The following TRPC3 variants were observed in gnomAD, a reference collection of about 807,000 sequenced individuals.
The protein encoded by TRPC3 is short transient receptor potential channel 3.
TRPC3 carries 54 observed loss-of-function variants against 90.9 expected under a neutral mutation model. The ratio of observed to expected loss-of-function variants is 0.59; its 90% CI spans 0.48 to 0.75. The LOEUF is 0.75. Ranked by LOEUF, TRPC3 falls within the 30% of genes least tolerant of loss-of-function variation. The probability of loss-of-function intolerance (pLI) is 0.00; values close to 1 mark genes in which losing one functional copy is unlikely to be tolerated. For missense variants in TRPC3, 918 were observed against 1,194.5 expected, an observed-to-expected ratio of 0.77 and a Z score of 3.41; for synonymous variants, 424 against 450.9, an observed-to-expected ratio of 0.94 and a Z score of 0.75.
At chr4:121,894,258 G>T (rs1728433064) in intron 10 of TRPC3, among the ~76,000 whole-genome samples, 1 of 151,974 alleles carries the variant, frequency 6.6e-6, no homozygotes. Context: ...AAGAGACAAA[G>T]AAAGGCATTA....
intron 10 of TRPC3, among the ~76,000 whole-genome samples, chr4:121,899,306 C>A (rs886550419): frequency 6.6e-6 from 1 of 152,272 alleles, no homozygotes; most frequent in African/African-American, 2.4e-5. Context: ...TTAAGTTATA[C>A]ATTATTTGGC....
chr4:121,943,298 T>G (rs1294941090), intron 1 of TRPC3, among the ~76,000 whole-genome samples: 1 of 152,166 alleles, frequency 6.6e-6, no homozygotes. Context: ...ACATATAATA[T>G]AAATTAATAA....
chr4:121,880,908 G>T (rs1181182925), intron 11 of TRPC3, among the ~76,000 whole-genome samples: 1 of 149,702 alleles, frequency 6.7e-6, no homozygotes, highest in East Asian at 2.0e-4. Flanking sequence ...TATTTGAAAA[G>T]AATTCTAACT....
chr4:121,919,710 T>G (rs1260439654), intron 3 of TRPC3, among the ~76,000 whole-genome samples: 1 of 152,250 alleles, frequency 6.6e-6, no homozygotes, highest in Non-Finnish European at 1.5e-5. Context: ...CTGTTTATAC[T>G]GCTGCATGTT....
intron 2 of TRPC3, among the ~76,000 whole-genome samples, chr4:121,931,541 GA>G (rs1199529694): frequency 2.4e-5 from 3 of 125,914 alleles, no homozygotes; most frequent in Non-Finnish European, 5.0e-5. Context: ...ATAATATCCA[GA>G]AAAAAAGTTC....
At chr4:121,888,587 G>C (rs1728213795) in intron 10 of TRPC3, among the ~76,000 whole-genome samples, 1 of 149,294 alleles carries the variant, frequency 6.7e-6, no homozygotes. Context: ...AGTAGAGACA[G>C]GGTTTCACCA....
chr4:121,912,156 C>A, intron 4 of TRPC3, 63 bp from the exon 5 acceptor site: 1 of 1,425,340 alleles, frequency 7.0e-7, no homozygotes, highest in Non-Finnish European at 9.6e-7. Context: ...GTGGAGATTA[C>A]AACATAGGAT....
At chr4:121,911,756 C>T in intron 5 of TRPC3, 121 bp downstream of exon 5, 1 of 1,021,112 alleles carries the variant, frequency 9.8e-7, no homozygotes, top group Non-Finnish European at 1.4e-6. Context: ...TTTAGCTTAT[C>T]TTGCAACAGT....
chr4:121,883,827 C>T (rs1363730288), intron 10 of TRPC3, among the ~76,000 whole-genome samples: 1 of 152,134 alleles, frequency 6.6e-6, no homozygotes, highest in Non-Finnish European at 1.5e-5. Context: ...CTGCCTCAGC[C>T]TCTCAAGCAG....
chr4:121,942,427 T>C (rs1730350972), intron 1 of TRPC3, among the ~76,000 whole-genome samples: 1 of 152,148 alleles, frequency 6.6e-6, no homozygotes, highest in Admixed American at 6.5e-5. Flanking sequence ...CTGGGCATGG[T>C]GGTGCATGCC....
chr4:121,919,058 G>T (rs916119074), intron 3 of TRPC3, among the ~76,000 whole-genome samples: 2 of 152,118 alleles, frequency 1.3e-5, no homozygotes, highest in Admixed American at 1.3e-4. Context: ...CCCTTATTTT[G>T]AGTTTTCTGA....
At chr4:121,898,725 T>C (rs962369036) in intron 10 of TRPC3, among the ~76,000 whole-genome samples, 5 of 152,222 alleles carry the variant, frequency 3.3e-5, no homozygotes, top group Non-Finnish European at 5.9e-5. Flanking sequence ...ATGGATATGC[T>C]AATTACCCTG....
chr4:121,946,598 G>A (rs974580988), intron 1 of TRPC3, among the ~76,000 whole-genome samples: 1 of 152,140 alleles, frequency 6.6e-6, no homozygotes, highest in African/African-American at 2.4e-5. Context: ...GAGAATAATA[G>A]ATACATGTGA....
At position 121,932,220 on chromosome 4, in the gene TRPC3, G is replaced by A. The variant is rs767268276; in HGVS notation, c.987+51C>T. The stretch of plus-strand genomic sequence containing the variant: ...GTGGCAGAGCAGGCCAGGCAGCAGC[G>A]GGGAAGTTGGGTGAGCACACAGAGC... On this transcript the variant is annotated intron_variant, in intron 2 of 11. Transcript: ENST00000379645. The surrounding 1 kb of genome is among the most constrained non-coding windows in gnomAD (Gnocchi z 7.7). The A allele has an allele frequency of 3.2e-6, 5 of 1,584,704 alleles. No homozygotes were observed. Among genetic ancestry groups the A allele is most frequent in the South Asian group, 2.3e-5 (2 of 86,474 alleles).
intron 1 of TRPC3, among the ~76,000 whole-genome samples, chr4:121,936,681 C>G (rs1019602756): frequency 6.6e-6 from 1 of 152,114 alleles, no homozygotes; most frequent in Non-Finnish European, 1.5e-5. Flanking sequence ...GGGATTAGTG[C>G]CTTTATAGGA....
At position 121,951,515 on chromosome 4, in the gene TRPC3, G is replaced by C; in HGVS notation, c.166C>G (p.Arg56Gly). Reference protein sequence around the residue: ...GLEPRSAPSQREPHGYCPPPF... With the variant: ...GLEPRSAPSQGEPHGYCPPPF... ...GGCGGGCAGTAGCCGTGCGGCTCCC[G>C]CTGCGAGGGCGCCGAGCGCGGCTCC... Residue 56 changes from arginine to glycine, a missense_variant, in exon 1 of 12, where the codon CGG becomes GGG. Arg to Gly is a moderately radical substitution (Grantham distance 125). This residue lies in a region of TRPC3 where 609 missense variants were observed against 725.9 expected (regional missense o/e 0.84). Transcript: ENST00000379645. The surrounding 1 kb of genome is among the most constrained non-coding windows in gnomAD (Gnocchi z 4.4). The C allele has an allele frequency of 1.5e-5, 21 of 1,379,360 alleles. No individual in the cohort carries two copies. The highest frequency in any genetic ancestry group is 1.7e-5 in the Non-Finnish European group (18 of 1,066,410). 85.4% of individuals were successfully genotyped at this position (1,379,360 alleles called of 1,614,324 possible).
chr4:121,875,455 A>G lies in TRPC3; in HGVS notation c.*4281T>C, dbSNP rs75448103. ...AGTATTCCTCAAATAATTAATTAGCAGGGTAAGGAATTTTTATTCACAATA... is the reference window on the plus strand; with the variant it reads ...AGTATTCCTCAAATAATTAATTAGCGGGGTAAGGAATTTTTATTCACAATA... On this transcript the variant is annotated 3_prime_UTR_variant, in exon 12 of 12. Coordinates refer to ENST00000379645, the MANE Select transcript of TRPC3 (RefSeq NM_001130698.2). Among the ~76,000 whole-genome samples, 65 of 152,324 alleles carry G rather than the reference A, an allele frequency of 4.3e-4. 3 individuals are homozygous for G. In the East Asian group the frequency reaches 0.013, roughly 29 times the overall value.
At chr4:121,896,959 C>A (rs1041918634) in intron 10 of TRPC3, among the ~76,000 whole-genome samples, 2 of 152,000 alleles carry the variant, frequency 1.3e-5, no homozygotes, top group African/African-American at 4.8e-5. Context: ...ACCTATGGAA[C>A]AGAATTAAGA....
At chr4:121,911,688 G>A (rs1729103635) in intron 5 of TRPC3, among the ~76,000 whole-genome samples, 189 bp downstream of exon 5, 1 of 152,050 alleles carries the variant, frequency 6.6e-6, no homozygotes, top group Non-Finnish European at 1.5e-5. Flanking sequence ...ATTTTATGTA[G>A]TGTTAAGGGA....
Sources: gnomAD v4.1 joint callset for allele counts (sites outside exome capture counted in the v4.1 genomes callset) on GRCh38, gnomAD v4.1.1 for gene constraint, gnomAD v4.1.1 regional missense constraint, Gnocchi (gnomAD v3.1) non-coding constraint, MANE v1.5 for transcripts, NCBI Gene and HGNC (gene_info 2026-07-23, HGNC 2026-07-21) for gene names.